The following FBXO3 variants were observed in gnomAD, a reference collection of about 807,000 sequenced individuals.
FBXO3 encodes F-box only protein 3.
Under a neutral mutation model 64.8 loss-of-function variants are expected in FBXO3, and 17 were observed. That is an observed-to-expected ratio of 0.26 (90% CI 0.18 to 0.39). The LOEUF (loss-of-function observed/expected upper bound fraction) is 0.39. Among genes scored for constraint, FBXO3 ranks in the 10% least tolerant of loss-of-function variants. FBXO3 has a pLI of 1.00. For missense variants in FBXO3, 420 were observed against 589.9 expected (o/e 0.71, Z 2.98); for synonymous variants, 182 against 201.6 (o/e 0.90, Z 0.82).
chr11:33,757,655 T>TCAAAAAAAAAAAAA (rs1855136598), intron 4 of FBXO3, among the ~76,000 whole-genome samples: 1 of 21,016 alleles, frequency 4.8e-5, no homozygotes, highest in Non-Finnish European at 1.1e-4. Context: ...ACACCATCTC[T>TCAAAAAAAAAAAAA]TAAAAAAAAA....
intron 10 of FBXO3, 40 bp from the exon 11 acceptor site, chr11:33,742,124 A>G (rs1854702266): frequency 1.4e-6 from 2 of 1,465,946 alleles, no homozygotes; most frequent in South Asian, 2.8e-5. Context: ...AAGAGCATCT[A>G]TCAGTTTTTT....
chr11:33,763,426 C>A, intron 3 of FBXO3: 1 of 193,594 alleles, frequency 5.2e-6, no homozygotes, highest in Non-Finnish European at 1.1e-5. Flanking sequence ...TAGGATTATT[C>A]CAGGAATACA....
intron 6 of FBXO3, 49 bp downstream of exon 6, chr11:33,754,406 A>G: frequency 6.8e-7 from 1 of 1,463,924 alleles, no homozygotes; most frequent in African/African-American, 1.4e-5. Flanking sequence ...TTTTTTTATT[A>G]TATCCAGGAA....
chr11:33,757,505 A>C (rs1167852135), intron 4 of FBXO3, among the ~76,000 whole-genome samples: 3 of 140,094 alleles, frequency 2.1e-5, no homozygotes, highest in Non-Finnish European at 4.6e-5. Context: ...AAAGTTTATA[A>C]AACAAATCTT....
chr11:33,752,664 C>T (rs146931161), intron 6 of FBXO3, among the ~76,000 whole-genome samples: 4 of 152,206 alleles, frequency 2.6e-5, no homozygotes, highest in African/African-American at 9.6e-5. Flanking sequence ...TTATTAAACA[C>T]TATTGTATTC....
In FBXO3 at chr11:33,743,212, T is replaced by C. The variant is rs1854730384; in HGVS notation, c.1240-1128A>G. The C allele has an allele frequency of 6.6e-6, 1 of 152,250 alleles. No homozygotes were observed. 9.4% of individuals were successfully genotyped at this position (152,250 alleles called of 1,614,324 possible). ...AGAAATCACAGTGTCACTTTGCCGA[T>C]TCGTTATAAGTATATATCTAAGATC... On this transcript the variant is annotated intron_variant, in intron 10 of 10. Transcript: ENST00000265651. This position sits in a 1 kb window ranked among gnomAD's most constrained non-coding sequence, Gnocchi z 4.6.
intron 5 of FBXO3, among the ~76,000 whole-genome samples, chr11:33,755,246 G>A (rs1279816252): frequency 1.3e-5 from 2 of 152,072 alleles, no homozygotes; most frequent in Non-Finnish European, 2.9e-5. Context: ...GAAGGCAGAG[G>A]TTGTGTAACT....
intron 5 of FBXO3, 91 bp downstream of exon 5, chr11:33,755,680 C>A: frequency 3.3e-6 from 3 of 913,426 alleles, no homozygotes; most frequent in Middle Eastern, 3.2e-4. Flanking sequence ...ATTCTATACC[C>A]ATTCTACAAT....
intron 3 of FBXO3, chr11:33,767,687 T>G (rs1244727929): frequency 6.6e-6 from 1 of 152,244 alleles, no homozygotes; most frequent in East Asian, 1.9e-4. Flanking sequence ...TGCAATTAAA[T>G]GGAGTAATAC....
chr11:33,764,811 T>C (rs544581013), intron 3 of FBXO3, among the ~76,000 whole-genome samples: 25 of 152,114 alleles, frequency 1.6e-4, no homozygotes, highest in African/African-American at 5.5e-4. Flanking sequence ...CTGTCTCTAC[T>C]AAAAATACAA....
At chr11:33,759,072 T>C (rs929725171) in intron 3 of FBXO3, among the ~76,000 whole-genome samples, 1 of 152,260 alleles carries the variant, frequency 6.6e-6, no homozygotes, top group Non-Finnish European at 1.5e-5. Context: ...TTTGCATATT[T>C]GTAAACTTGC....
Position 33,748,948 on chromosome 11 carries a change from T to C in FBXO3, c.933-56A>G, listed in dbSNP as rs567265464. On this transcript the variant is annotated intron_variant, in intron 8 of 10. Transcript: ENST00000265651. ...AAATCTGGCTTCTTTGTTTCTTTGG[T>C]TTAAGAGATACAGTATTCAGGCTAA... 5 of 1,201,072 alleles carry C rather than the reference T, an allele frequency of 4.2e-6. No individual in the cohort carries two copies. The Admixed American group carries it at 5.2e-5, about 13-fold the overall frequency. 74.4% of individuals were successfully genotyped at this position (1,201,072 alleles called of 1,614,324 possible).
At chr11:33,759,759 T>C (rs533325544) in intron 3 of FBXO3, among the ~76,000 whole-genome samples, 1 of 135,484 alleles carries the variant, frequency 7.4e-6, no homozygotes, top group Admixed American at 8.3e-5. Flanking sequence ...TACATCGTTA[T>C]TGGAGTTAGT....
chr11:33,766,705 C>T (rs914752070), intron 3 of FBXO3, among the ~76,000 whole-genome samples: 4 of 152,172 alleles, frequency 2.6e-5, no homozygotes, highest in African/African-American at 9.6e-5. Flanking sequence ...TCTGATTTTC[C>T]TTTTTATCTG....
rs11032367 is a variant in FBXO3 at position 33,751,235 on chromosome 11, G to A, written c.809+288C>T. On this transcript the variant is annotated intron_variant, in intron 7 of 10. Transcript: ENST00000265651. Reference sequence around the variant, plus strand: ...ATCAGTTGCCAAATAACTTTTTGGTGTTTTTCAAAAATAAATTATATAGAT... The same window carrying A: ...ATCAGTTGCCAAATAACTTTTTGGTATTTTTCAAAAATAAATTATATAGAT... Among the ~76,000 whole-genome samples the A allele has an allele frequency of 2.0e-5, 3 of 151,956 alleles. No individual in the cohort carries two copies. In the South Asian group the frequency reaches 6.2e-4, roughly 31 times the overall value.
intron 3 of FBXO3, among the ~76,000 whole-genome samples, chr11:33,764,527 G>A (rs548166617): frequency 1.8e-4 from 28 of 152,216 alleles, no homozygotes; most frequent in Non-Finnish European, 3.2e-4. Flanking sequence ...GTGAGGAGAA[G>A]GGCACTTCAC....
At chr11:33,763,503 T>A (rs1855290620) in intron 3 of FBXO3, among the ~76,000 whole-genome samples, 1 of 151,288 alleles carries the variant, frequency 6.6e-6, no homozygotes. Flanking sequence ...AGGAGAAAAA[T>A]CATGAGAATC....
chr11:33,764,299 T>C (rs1400300468), intron 3 of FBXO3, among the ~76,000 whole-genome samples: 2 of 152,130 alleles, frequency 1.3e-5, no homozygotes, highest in African/African-American at 4.8e-5. Context: ...AACTACTCAA[T>C]AGCATTAACA....
rs545284519 is a variant in FBXO3, at chr11:33,741,009, C to T, written c.*899G>A. ...CTTGAAGGATTTCATTCTTAACTCT[C>T]AATTATATAATTACAAAAAAAATCC... On this transcript the variant is annotated 3_prime_UTR_variant, in exon 11 of 11. Transcript: ENST00000265651. 6.6e-6 allele frequency: 1 copy of T among 152,518 alleles called. No individual in the cohort carries two copies. The highest frequency in any genetic ancestry group is 2.4e-5 in the African/African-American group (1 of 41,412). 9.4% of individuals were successfully genotyped at this position (152,518 alleles called of 1,614,324 possible).
Sources: gnomAD v4.1 joint callset for allele counts (sites outside exome capture counted in the v4.1 genomes callset) on GRCh38, gnomAD v4.1.1 for gene constraint, Gnocchi (gnomAD v3.1) non-coding constraint, MANE v1.5 for transcripts, NCBI Gene and HGNC (gene_info 2026-07-23, HGNC 2026-07-21) for gene names.